The following IL1RAPL1 variants were observed in gnomAD, a reference collection of about 807,000 sequenced individuals.
IL1RAPL1 encodes interleukin 1 receptor accessory protein like 1, also known as interleukin-1 receptor accessory protein-like 1.
IL1RAPL1 carries 3 observed loss-of-function variants against 48.4 expected under a neutral mutation model. That is an observed-to-expected ratio of 0.06 (90% CI 0.03 to 0.16). The LOEUF is 0.16. IL1RAPL1 is among the 10% of genes least tolerant of loss of function. The probability of loss-of-function intolerance (pLI) is 1.00; values close to 1 mark genes in which losing one functional copy is unlikely to be tolerated. For missense variants in IL1RAPL1, 349 were observed against 530.6 expected (o/e 0.66, Z 3.36); for synonymous variants, 185 against 187.7 (o/e 0.99, Z 0.12).
intron 2 of IL1RAPL1, among the ~76,000 whole-genome samples, chrX:29,098,672 C>G (rs1928267361): frequency 9.0e-6 from 1 of 111,310 alleles, no homozygotes; most frequent in African/African-American, 3.3e-5. Flanking sequence ...TGGTGTGCAC[C>G]TGAGAGTTTG....
chrX:29,494,191 G>A (rs976208071), intron 5 of IL1RAPL1, among the ~76,000 whole-genome samples: 15 of 111,604 alleles, frequency 1.3e-4, no homozygotes, highest in African/African-American at 3.6e-4. Context: ...GTAAGCCACC[G>A]CGTCCGGCTG....
At chrX:29,218,820 C>T (rs867896651) in intron 2 of IL1RAPL1, among the ~76,000 whole-genome samples, 4 of 111,870 alleles carry the variant, frequency 3.6e-5, no homozygotes, top group African/African-American at 1.3e-4. Context: ...TTATAATATT[C>T]CCTCAATTTA....
intron 5 of IL1RAPL1, among the ~76,000 whole-genome samples, chrX:29,470,676 G>A (rs1287610054): frequency 8.1e-5 from 9 of 110,943 alleles, no homozygotes. Flanking sequence ...CTCTGTCATG[G>A]AGACTAGAGT....
chrX:29,030,417 G>C (rs1926590872), intron 2 of IL1RAPL1, among the ~76,000 whole-genome samples: 1 of 110,915 alleles, frequency 9.0e-6, no homozygotes, highest in Non-Finnish European at 1.9e-5. Context: ...TTCTTTTGTA[G>C]GTTATTTTCT....
At chrX:29,483,264 G>A (rs1935059570) in intron 5 of IL1RAPL1, among the ~76,000 whole-genome samples, 2 of 111,872 alleles carry the variant, frequency 1.8e-5, no homozygotes, top group Non-Finnish European at 3.8e-5. Flanking sequence ...AAAGCCTCTT[G>A]ATCTCAGAAT....
chrX:29,566,542 G>T (rs1224369580), intron 5 of IL1RAPL1, among the ~76,000 whole-genome samples: 4 of 112,233 alleles, frequency 3.6e-5, no homozygotes, highest in African/African-American at 6.5e-5. Context: ...TTCTAATAGT[G>T]TTTACACCAG....
intron 6 of IL1RAPL1, among the ~76,000 whole-genome samples, chrX:29,751,835 G>A: frequency 9.2e-6 from 1 of 108,235 alleles, no homozygotes; most frequent in Non-Finnish European, 1.9e-5. Flanking sequence ...GGGAGGCTAA[G>A]GCAGGTGGAT....
chrX:29,226,518 C>T (rs904851127), intron 2 of IL1RAPL1, among the ~76,000 whole-genome samples: 44 of 105,014 alleles, frequency 4.2e-4, no homozygotes, highest in African/African-American at 1.5e-3. Context: ...CTGCAACCTC[C>T]GCCTCCTGGG....
intron 1 of IL1RAPL1, among the ~76,000 whole-genome samples, chrX:28,764,289 AG>A (rs758904112): frequency 2.0e-4 from 23 of 112,399 alleles, no homozygotes; most frequent in Admixed American, 5.7e-4. Flanking sequence ...AAAAGAAAAT[AG>A]CTAATCTTGT....
rs142395899 is a variant in IL1RAPL1 at position 29,743,894 on chromosome X, A to C, written c.778+75390A>C. ...GAGCAGATTGCCTACAAGCACACAC[A>C]TACAAATAGTACACTGAGGAGGAAG... is the stretch of plus-strand genomic sequence containing the variant. On this transcript the variant is annotated intron_variant, in intron 6 of 10. Transcript: ENST00000378993. Among the ~76,000 whole-genome samples, 744 of 112,325 alleles carry C rather than the reference A, an allele frequency of 6.6e-3. 5 individuals carry two copies. Among genetic ancestry groups the C allele is most frequent in the African/African-American group, 0.023 (712 of 30,962 alleles).
At chrX:29,211,828 T>C (rs1930774998) in intron 2 of IL1RAPL1, among the ~76,000 whole-genome samples, 1 of 111,664 alleles carries the variant, frequency 9.0e-6, no homozygotes, top group Non-Finnish European at 1.9e-5. Flanking sequence ...CCATTTTTGT[T>C]ACCATCCTGG....
chrX:29,045,936 CCTT>C (rs1330151779), intron 2 of IL1RAPL1, among the ~76,000 whole-genome samples: 54 of 42,045 alleles, frequency 1.3e-3, no homozygotes, highest in African/African-American at 3.6e-3. Flanking sequence ...TCCTCCTCCT[CCTT>C]CTTCCTCCTC....
chrX:29,334,675 A>G (rs1281046590), intron 3 of IL1RAPL1, among the ~76,000 whole-genome samples: 1 of 111,201 alleles, frequency 9.0e-6, no homozygotes, highest in Non-Finnish European at 1.9e-5. Context: ...CACATCCCAG[A>G]CAGGGCGGCG....
chrX:28,690,299 T>C (rs995866595), intron 1 of IL1RAPL1, among the ~76,000 whole-genome samples: 11 of 111,810 alleles, frequency 9.8e-5, no homozygotes, highest in Non-Finnish European at 2.1e-4. Flanking sequence ...CCTAAAGATA[T>C]AACCAACTCC....
At chrX:28,734,477 T>C (rs1935795575) in intron 1 of IL1RAPL1, among the ~76,000 whole-genome samples, 1 of 110,735 alleles carries the variant, frequency 9.0e-6, no homozygotes, top group African/African-American at 3.3e-5. Flanking sequence ...TGCTGTTCCC[T>C]CTGCCTAAAA....
chrX:28,782,863 A>T (rs990658852), intron 1 of IL1RAPL1, among the ~76,000 whole-genome samples: 2 of 112,055 alleles, frequency 1.8e-5, no homozygotes, highest in African/African-American at 3.2e-5. Context: ...AGTGTTCTAA[A>T]TATTTTATGT....
At chrX:29,603,359 G>A (rs1424946740) in intron 5 of IL1RAPL1, among the ~76,000 whole-genome samples, 2 of 111,041 alleles carry the variant, frequency 1.8e-5, no homozygotes, top group African/African-American at 3.3e-5. Context: ...TATTTAAAGA[G>A]ATTTTATTTT....
chrX:29,071,409 G>A (rs902237941), intron 2 of IL1RAPL1, among the ~76,000 whole-genome samples: 2 of 111,902 alleles, frequency 1.8e-5, no homozygotes, highest in South Asian at 7.4e-4. Context: ...CAGTGTTCTA[G>A]GGACCAAAGA....
In IL1RAPL1 at chrX:29,855,971, C is replaced by A. The variant is rs750350794; in HGVS notation, c.779-61493C>A. On this transcript the variant is annotated intron_variant, in intron 6 of 10. Transcript: ENST00000378993. ...TAGCTCTCAAATGGTAATTTTCAAT[C>A]TTTTCTACATCAAAAACCCCTTGGG... Among the ~76,000 whole-genome samples, 11 of 111,198 alleles carry A rather than the reference C, an allele frequency of 9.9e-5. No individual in the cohort carries two copies. The South Asian group carries it at 2.3e-3, about 23-fold the overall frequency.
Sources: gnomAD v4.1 joint callset for allele counts (sites outside exome capture counted in the v4.1 genomes callset) on GRCh38, gnomAD v4.1.1 for gene constraint, MANE v1.5 for transcripts, NCBI Gene and HGNC (gene_info 2026-07-23, HGNC 2026-07-21) for gene names.